Variants in KLHL3 observed in about 807,000 individuals in gnomAD.
The protein encoded by KLHL3 is kelch-like protein 3.
KLHL3 carries 19 observed loss-of-function variants against 70.5 expected under a neutral mutation model. That is an observed-to-expected ratio of 0.27 (90% confidence interval 0.19 to 0.40). KLHL3 has a LOEUF of 0.40. Among genes scored for constraint, KLHL3 ranks in the 10% least tolerant of loss-of-function variants. The pLI, the probability that KLHL3 is intolerant of heterozygous loss-of-function variation, is 1.00. For missense variants in KLHL3, 512 were observed against 771.1 expected (o/e 0.66, Z 3.98); for synonymous variants, 258 against 290.3 (o/e 0.89, Z 1.13).
chr5:137,662,817 A>G (rs1170431110), intron 6 of KLHL3, among the ~76,000 whole-genome samples: 1 of 152,152 alleles, frequency 6.6e-6, no homozygotes, highest in African/African-American at 2.4e-5. Flanking sequence ...AGTATTGGCA[A>G]TATCGATCAA....
chr5:137,692,935 A>T (rs528230699), intron 4 of KLHL3, among the ~76,000 whole-genome samples: 1 of 152,240 alleles, frequency 6.6e-6, no homozygotes, highest in East Asian at 1.9e-4. Context: ...CCCTAAAAGA[A>T]TCTAACTCAA....
intron 11 of KLHL3, among the ~76,000 whole-genome samples, chr5:137,635,570 T>C (rs1488999584): frequency 2.0e-5 from 3 of 152,184 alleles, no homozygotes; most frequent in Non-Finnish European, 4.4e-5. Context: ...TGTATAGCCA[T>C]GGTAATGAGA....
In KLHL3 at chr5:137,663,925, G is replaced by A. The variant is rs1751549723; in HGVS notation, c.637-1894C>T. On this transcript the variant is annotated intron_variant, in intron 6 of 14. Coordinates refer to ENST00000309755, the MANE Select transcript of KLHL3 (RefSeq NM_017415.3). ...GGGGAAGGAGGGTCAGGGAATGGCT[G>A]AAAAAGGTTCAAAGGAAACCTTTTG... is the stretch of plus-strand genomic sequence containing the variant. 3.3e-5 allele frequency among the ~76,000 whole-genome samples: 5 copies of A among 152,250 alleles called. No homozygotes were observed. In the South Asian group the frequency reaches 1.0e-3, roughly 32 times the overall value.
At chr5:137,651,929 C>T (rs2149892558) in intron 8 of KLHL3, among the ~76,000 whole-genome samples, 1 of 152,168 alleles carries the variant, frequency 6.6e-6, no homozygotes, top group Non-Finnish European at 1.5e-5. Context: ...ACAAAAGTGA[C>T]AGGGTAATTC....
chr5:137,733,838 T>TA (rs1323343156), intron 1 of KLHL3, among the ~76,000 whole-genome samples: 1 of 152,154 alleles, frequency 6.6e-6, no homozygotes, highest in African/African-American at 2.4e-5. Context: ...GAACAGGAGT[T>TA]AGAGTTCAGA....
rs1561578050 is a variant in KLHL3, at chr5:137,620,826, T to C, written c.*1272A>G. On this transcript the variant is annotated 3_prime_UTR_variant, in exon 15 of 15. Transcript: ENST00000309755. ...TCCTACCTCACAGGGAAAGCAGTAG[T>C]GGGGTTCTTGGGGGTTGGGGAGAGG... is the stretch of plus-strand genomic sequence containing the variant. The C allele has an allele frequency of 1.3e-5, 2 of 152,056 alleles. No homozygotes were observed. The highest frequency in any genetic ancestry group is 2.9e-5 in the Non-Finnish European group (2 of 68,008). The allele number at this position is 152,056 out of a possible 1,614,324, so 9.4% of individuals were successfully genotyped here.
At chr5:137,632,625 C>G (rs1175847643) in intron 12 of KLHL3, among the ~76,000 whole-genome samples, 4 of 152,020 alleles carry the variant, frequency 2.6e-5, no homozygotes, top group Non-Finnish European at 5.9e-5. Context: ...AGATGCCAAA[C>G]GGAAAGTGCA....
At chr5:137,623,627 T>G (rs1037790390) in intron 14 of KLHL3, among the ~76,000 whole-genome samples, 3 of 152,204 alleles carry the variant, frequency 2.0e-5, no homozygotes, top group African/African-American at 7.2e-5. Flanking sequence ...TTTAATCCCT[T>G]CACACAAAGA....
intron 6 of KLHL3, among the ~76,000 whole-genome samples, chr5:137,674,356 A>G (rs554844361): frequency 3.0e-4 from 45 of 152,320 alleles, no homozygotes; most frequent in African/African-American, 9.6e-4. Flanking sequence ...TGGGAGATAA[A>G]TAACTTGCCC....
At chr5:137,678,849 C>G (rs549126950) in intron 5 of KLHL3, among the ~76,000 whole-genome samples, 59 of 152,242 alleles carry the variant, frequency 3.9e-4, no homozygotes, top group African/African-American at 1.4e-3. Context: ...TTGCTCTACA[C>G]CAGCCTATTG....
chr5:137,642,410 C>T (rs1188160225), intron 8 of KLHL3, among the ~76,000 whole-genome samples: 1 of 152,202 alleles, frequency 6.6e-6, no homozygotes, highest in Non-Finnish European at 1.5e-5. Flanking sequence ...GTCAGAACTA[C>T]ATATCCGTCC....
At chr5:137,683,119 C>T (rs1752075124) in intron 5 of KLHL3, among the ~76,000 whole-genome samples, 1 of 152,142 alleles carries the variant, frequency 6.6e-6, no homozygotes, top group East Asian at 1.9e-4. Flanking sequence ...ATGTATCACC[C>T]AAATTTTATC....
Position 137,697,281 on chromosome 5 carries a change from G to A in KLHL3, c.363+1006C>T, listed in dbSNP as rs111959206. On this transcript the variant is annotated intron_variant, in intron 4 of 14. Transcript: ENST00000309755. ...TGGGTTCAAGTGATTCTCCTGCCTC[G>A]GCCTCCCAAGTAGATGGAATTAAAG... is the stretch of plus-strand genomic sequence containing the variant. 8.6e-5 allele frequency among the ~76,000 whole-genome samples: 13 copies of A among 151,520 alleles called. No homozygotes were observed. In the South Asian group the frequency reaches 1.0e-3, roughly 12 times the overall value.
chr5:137,647,485 C>T, intron 8 of KLHL3: 1 of 468,632 alleles, frequency 2.1e-6, no homozygotes, highest in Non-Finnish European at 4.4e-6. Context: ...GAGGAACAAT[C>T]TGGGCTCTAC....
chr5:137,701,110 G>A (rs761709328), intron 3 of KLHL3, among the ~76,000 whole-genome samples: 31 of 151,772 alleles, frequency 2.0e-4, no homozygotes, highest in Non-Finnish European at 3.5e-4. Flanking sequence ...TCAGCTCACC[G>A]CAACCTCTGC....
In KLHL3 at chr5:137,720,486, T is replaced by A; in HGVS notation, c.113A>T (p.Lys38Met). ...VNPAHMGKAF[K>M]VMNELRSKQL... ...GTACCTCCGCAGTTCATTCATAACC[T>A]TGAATGCTTTCCCCATGTGGGCAGG... is the stretch of plus-strand genomic sequence containing the variant. Residue 38 changes from lysine to methionine, a missense_variant, in exon 2 of 15, where the codon AAG becomes ATG. Transcript: ENST00000309755. 1.9e-6 allele frequency: 3 copies of A among 1,614,136 alleles called. No homozygotes were observed. The highest frequency in any genetic ancestry group is 2.5e-6 in the Non-Finnish European group (3 of 1,179,996).
rs1030098702 is a variant in KLHL3, at chr5:137,637,278, A to G, written c.1321+16T>C. 1.1e-5 allele frequency: 17 copies of G among 1,612,036 alleles called. No homozygotes were observed. Among genetic ancestry groups the G allele is most frequent in the Non-Finnish European group, 1.4e-5 (17 of 1,178,170 alleles). On this transcript the variant is annotated intron_variant, in intron 11 of 14. Transcript: ENST00000309755. The stretch of plus-strand genomic sequence containing the variant: ...GGCCAGGTAGGCCTGGCCACTGGCC[A>G]CTGCCGCCTCCTTACCCTCCACAAC...
chr5:137,679,793 T>C (rs760853719), intron 5 of KLHL3, among the ~76,000 whole-genome samples: 6 of 152,110 alleles, frequency 3.9e-5, no homozygotes, highest in Non-Finnish European at 5.9e-5. Context: ...TGAAATCCCA[T>C]TCAGAAATCC....
At position 137,689,700 on chromosome 5, in the gene KLHL3, C is replaced by T. The variant is rs566846790; in HGVS notation, c.526+2585G>A. Among the ~76,000 whole-genome samples, 4 of 152,336 alleles carry T rather than the reference C, an allele frequency of 2.6e-5. No individual in the cohort carries two copies. The South Asian group carries it at 8.3e-4, about 32-fold the overall frequency. On this transcript the variant is annotated intron_variant, in intron 5 of 14. Coordinates refer to ENST00000309755, the MANE Select transcript of KLHL3 (RefSeq NM_017415.3). ...AGTGGGGGCAAGGGCTGATAAATTT[C>T]CTATTGGGTACTATGTTCACCATCT...
Sources: gnomAD v4.1 joint callset for allele counts (sites outside exome capture counted in the v4.1 genomes callset) on GRCh38, gnomAD v4.1.1 for gene constraint, MANE v1.5 for transcripts, NCBI Gene and HGNC (gene_info 2026-07-23, HGNC 2026-07-21) for gene names.